The following SCN8A variants were observed in gnomAD, a reference collection of about 807,000 sequenced individuals.
SCN8A encodes the protein sodium voltage-gated channel alpha subunit 8.
SCN8A carries 30 observed loss-of-function variants against 184.1 expected under a neutral mutation model. The observed-to-expected ratio is 0.16, with a 90% CI of 0.12 to 0.22. The LOEUF is 0.22. SCN8A is among the 10% of genes least tolerant of loss of function. SCN8A has a pLI of 1.00. For synonymous variants in SCN8A, 852 were observed against 907.0 expected (o/e 0.94, Z 1.09); for missense variants, 1,057 against 2,498.9 (o/e 0.42, Z 12.30).
chr12:51,686,504 A>T, intron 4 of SCN8A, 47 bp downstream of exon 4: 1 of 1,337,558 alleles, frequency 7.5e-7, no homozygotes, highest in East Asian at 2.3e-5. Flanking sequence ...AAATATTTTT[A>T]GTCACTAAAT....
At chr12:51,734,453 G>T (rs918085355) in intron 12 of SCN8A, among the ~76,000 whole-genome samples, 1 of 152,228 alleles carries the variant, frequency 6.6e-6, no homozygotes, top group Non-Finnish European at 1.5e-5. Context: ...AAAGGAATAG[G>T]TTGGGCTAGT....
intron 1 of SCN8A, among the ~76,000 whole-genome samples, chr12:51,642,715 A>G (rs1940481811): frequency 6.6e-6 from 1 of 151,446 alleles, no homozygotes; most frequent in African/African-American, 2.4e-5. Flanking sequence ...TTGAAGCTGT[A>G]CCTCAGGCCT....
Position 51,706,491 on chromosome 12 carries a change from G to C in SCN8A, c.1411G>C (p.Gly471Arg). ...CATAGAGGAAGAAGGTGAAGAAGGAGGGGGCTCCCCTCGGAGCTCTTCTGA... is the reference window on the plus strand; with the variant it reads ...CATAGAGGAAGAAGGTGAAGAAGGACGGGGCTCCCCTCGGAGCTCTTCTGA... ...DAIEEEGEEGGGSPRSSSEIS... is the reference protein window; with the variant it reads ...DAIEEEGEEGRGSPRSSSEIS... The change falls in exon 11 of 27, where the codon GGG (glycine) becomes CGG (arginine). Residue 471 changes from glycine (G) to arginine (R), a missense_variant. Physicochemically the swap from Gly to Arg is moderately radical, Grantham distance 125. Transcript: ENST00000627620. 1 of 1,606,426 alleles carries C rather than the reference G, an allele frequency of 6.2e-7. No individual in the cohort carries two copies. The highest frequency in any genetic ancestry group is 8.5e-7 in the Non-Finnish European group (1 of 1,176,478).
chr12:51,794,227 C>A, intron 25 of SCN8A, 144 bp from the exon 26 acceptor site: 1 of 708,420 alleles, frequency 1.4e-6, no homozygotes, highest in Non-Finnish European at 2.4e-6. Context: ...GGTCTCCATC[C>A]ATGCTCCTGA....
chr12:51,594,237 T>C (rs933120771), intron 1 of SCN8A, among the ~76,000 whole-genome samples: 4 of 152,162 alleles, frequency 2.6e-5, no homozygotes, highest in African/African-American at 9.7e-5. Context: ...CTCATTCCAT[T>C]TGGATTCCAC....
intron 1 of SCN8A, among the ~76,000 whole-genome samples, chr12:51,636,151 C>G (rs569321127): frequency 1.3e-5 from 2 of 152,258 alleles, no homozygotes; most frequent in South Asian, 2.1e-4. Context: ...CCCGCCACCA[C>G]GCCTGGCTAA....
chr12:51,721,032 A>G (rs1166464275), intron 11 of SCN8A, among the ~76,000 whole-genome samples: 1 of 146,350 alleles, frequency 6.8e-6, no homozygotes, highest in Non-Finnish European at 1.5e-5. Context: ...GCGCCACCAC[A>G]CTCCAGCCTG....
At chr12:51,780,196 C>G in intron 20 of SCN8A, 1 of 456,128 alleles carries the variant, frequency 2.2e-6, no homozygotes. Flanking sequence ...GTATTCTTTT[C>G]CATAGGTACC....
chr12:51,675,235 C>T (rs1214375472), intron 2 of SCN8A, among the ~76,000 whole-genome samples: 2 of 152,198 alleles, frequency 1.3e-5, no homozygotes, highest in Admixed American at 6.5e-5. Flanking sequence ...AGCATTGAAG[C>T]AGGTGCACAG....
intron 25 of SCN8A, among the ~76,000 whole-genome samples, chr12:51,792,815 C>T (rs1218703385): frequency 6.6e-6 from 1 of 151,936 alleles, no homozygotes; most frequent in African/African-American, 2.4e-5. Context: ...TGATCTCGGC[C>T]CACTGCAACC....
chr12:51,698,519 A>C (rs988387768), intron 6 of SCN8A, among the ~76,000 whole-genome samples: 4 of 152,172 alleles, frequency 2.6e-5, no homozygotes, highest in Non-Finnish European at 5.9e-5. Flanking sequence ...TCCTATGGAT[A>C]GCCTGATATC....
Position 51,644,843 on chromosome 12 carries a change from C to T in SCN8A, c.-54-17921C>T, listed in dbSNP as rs546313418. Among the ~76,000 whole-genome samples, 17 of 152,166 alleles carry T rather than the reference C, an allele frequency of 1.1e-4. No individual in the cohort carries two copies. The South Asian group carries it at 1.7e-3, about 15-fold the overall frequency. ...CTGGGAAGTGAGGAGCATCTCTGCC[C>T]GGCCACCCCGTCTGAGAAGTGAGGA... On this transcript the variant is annotated intron_variant, in intron 1 of 26. Coordinates refer to ENST00000627620, the MANE Select transcript of SCN8A (RefSeq NM_001330260.2).
chr12:51,745,660 G>T (rs1227949797), intron 12 of SCN8A, among the ~76,000 whole-genome samples: 1 of 152,146 alleles, frequency 6.6e-6, no homozygotes, highest in Admixed American at 6.5e-5. Context: ...TTGGGTCCCA[G>T]CCAGATTCTT....
At position 51,720,746 on chromosome 12, in the gene SCN8A, G is replaced by A. The variant is rs148781927; in HGVS notation, c.1636-800G>A. 2.8e-4 allele frequency among the ~76,000 whole-genome samples: 42 copies of A among 152,174 alleles called. 1 individual carries two copies. In the East Asian group the frequency reaches 7.4e-3, roughly 27 times the overall value. Reference sequence around the variant, plus strand: ...ACCAGGACATGTACTTGGAGAGAATGGCAAATGATACAGGCACGTTTTAAA... The same window carrying A: ...ACCAGGACATGTACTTGGAGAGAATAGCAAATGATACAGGCACGTTTTAAA... On this transcript the variant is annotated intron_variant, in intron 11 of 26. Transcript: ENST00000627620.
In SCN8A at chr12:51,810,546, A is replaced by G. The variant is rs937750382; in HGVS notation, c.*3117A>G. On this transcript the variant is annotated 3_prime_UTR_variant, in exon 27 of 27. Coordinates refer to ENST00000627620, the MANE Select transcript of SCN8A (RefSeq NM_001330260.2). ...CATATATATATAGATATATAAATATAATATAAATATTTATTTTTTGTAGCC... is the reference window on the plus strand; with the variant it reads ...CATATATATATAGATATATAAATATGATATAAATATTTATTTTTTGTAGCC... The G allele has an allele frequency of 5.9e-6, 1 of 169,116 alleles. No individual in the cohort carries two copies. The highest frequency in any genetic ancestry group is 1.2e-5 in the Non-Finnish European group (1 of 82,428). The allele number at this position is 169,116 out of a possible 1,614,324, so 10.5% of individuals were successfully genotyped here.
Position 51,808,971 on chromosome 12 carries a change from A to C in SCN8A, c.*1542A>C, listed in dbSNP as rs1938803383. 6.6e-6 allele frequency: 1 copy of C among 152,176 alleles called. No individual in the cohort carries two copies. Among genetic ancestry groups the C allele is most frequent in the African/African-American group, 2.4e-5 (1 of 41,426 alleles). The allele number at this position is 152,176 out of a possible 1,614,324, so 9.4% of individuals were successfully genotyped here. Reference sequence around the variant, plus strand: ...CTGGTGAGACCTGAGGTAGAGATGGAGCCGCCTCTGAACCAAGCCCACTTG... The same window carrying C: ...CTGGTGAGACCTGAGGTAGAGATGGCGCCGCCTCTGAACCAAGCCCACTTG... On this transcript the variant is annotated 3_prime_UTR_variant, in exon 27 of 27. Transcript: ENST00000627620.
chr12:51,759,038 G>A (rs1487440913), intron 14 of SCN8A, among the ~76,000 whole-genome samples: 1 of 151,470 alleles, frequency 6.6e-6, no homozygotes, highest in Admixed American at 6.6e-5. Context: ...GTACAGCCAC[G>A]TACCACATAA....
intron 26 of SCN8A, among the ~76,000 whole-genome samples, chr12:51,795,590 G>A (rs145241299): frequency 6.6e-6 from 1 of 152,318 alleles, no homozygotes; most frequent in African/African-American, 2.4e-5. Context: ...CTGTCCTCCA[G>A]AGCAGCATGT....
intron 1 of SCN8A, among the ~76,000 whole-genome samples, chr12:51,646,414 T>C (rs1940591251): frequency 6.6e-6 from 1 of 152,222 alleles, no homozygotes; most frequent in Non-Finnish European, 1.5e-5. Context: ...AAAACTTGAC[T>C]TACAGTGTTT....
Sources: gnomAD v4.1 joint callset for allele counts (sites outside exome capture counted in the v4.1 genomes callset) on GRCh38, gnomAD v4.1.1 for gene constraint, MANE v1.5 for transcripts, NCBI Gene and HGNC (gene_info 2026-07-23, HGNC 2026-07-21) for gene names.